Variants in TBC1D32 observed in about 807,000 individuals in gnomAD.
TBC1D32 encodes the protein protein broad-minded.
In TBC1D32, 151 loss-of-function variants were observed where a neutral mutation model predicts 170.3. The observed-to-expected ratio is 0.89, with a 90% CI of 0.78 to 1.01. The LOEUF (loss-of-function observed/expected upper bound fraction) is 1.01. TBC1D32 is among the 50% of genes least tolerant of loss of function. TBC1D32 has a pLI of 0.00. For missense variants in TBC1D32, 1,464 were observed against 1,457.1 expected, an observed-to-expected ratio of 1.00 and a Z score of -0.08; for synonymous variants, 498 against 488.0, an observed-to-expected ratio of 1.02 and a Z score of -0.27.
In TBC1D32 at chr6:121,096,888, C is replaced by T. The variant is rs1777480433; in HGVS notation, c.3466-5847G>A. ...AACAGAACAGAGGCCTCAGAAATAACACCACACATCTACAACCATCTGTTC... is the reference window on the plus strand; with the variant it reads ...AACAGAACAGAGGCCTCAGAAATAATACCACACATCTACAACCATCTGTTC... On this transcript the variant is annotated intron_variant, in intron 30 of 31. Coordinates refer to ENST00000398212, the MANE Select transcript of TBC1D32 (RefSeq NM_152730.6). 2.0e-5 allele frequency among the ~76,000 whole-genome samples: 3 copies of T among 152,024 alleles called. No homozygotes were observed. In the South Asian group the frequency reaches 6.2e-4, roughly 32 times the overall value.
intron 30 of TBC1D32, among the ~76,000 whole-genome samples, chr6:121,095,627 G>A (rs1332595065): frequency 2.0e-5 from 3 of 152,094 alleles, no homozygotes; most frequent in African/African-American, 4.8e-5. Flanking sequence ...AGTTTATTGC[G>A]AGTTTTTAGC....
intron 24 of TBC1D32, among the ~76,000 whole-genome samples, chr6:121,150,247 T>C (rs1273714): frequency 0.019 from 2,915 of 152,308 alleles, 83 homozygotes; most frequent in African/African-American, 0.066. Flanking sequence ...TATCAGACTT[T>C]CCTGCATCTA....
chr6:121,153,062 CT>C (rs1784406388), intron 24 of TBC1D32, among the ~76,000 whole-genome samples: 1 of 152,078 alleles, frequency 6.6e-6, no homozygotes, highest in Non-Finnish European at 1.5e-5. Context: ...AGTTGTAATC[CT>C]TTGCAGGAGA....
chr6:121,271,920 T>C (rs1331825586), intron 15 of TBC1D32, among the ~76,000 whole-genome samples: 2 of 152,014 alleles, frequency 1.3e-5, no homozygotes, highest in African/African-American at 4.8e-5. Context: ...TATAGACCCA[T>C]GGAACAGAAC....
chr6:121,250,896 A>G (rs1360734461), intron 17 of TBC1D32, among the ~76,000 whole-genome samples: 1 of 152,222 alleles, frequency 6.6e-6, no homozygotes, highest in Non-Finnish European at 1.5e-5. Flanking sequence ...CTCAGGATAC[A>G]AAATCAACGT....
At position 121,273,498 on chromosome 6, in the gene TBC1D32, G is replaced by A. The variant is rs183841152; in HGVS notation, c.1733+5623C>T. ...CACACCGGGGCCTGTCGTGGGGTTG[G>A]GGGGGTTAGGGATAGCATTAAGAGA... On this transcript the variant is annotated intron_variant, in intron 15 of 31. Coordinates refer to ENST00000398212, the MANE Select transcript of TBC1D32 (RefSeq NM_152730.6). Among the ~76,000 whole-genome samples the A allele has an allele frequency of 4.0e-5, 6 of 151,158 alleles. No individual in the cohort carries two copies. In the South Asian group the frequency reaches 6.3e-4, roughly 16 times the overall value.
intron 29 of TBC1D32, among the ~76,000 whole-genome samples, chr6:121,110,068 G>A (rs957754445): frequency 1.5e-4 from 22 of 151,620 alleles, no homozygotes; most frequent in Non-Finnish European, 2.7e-4. Context: ...TGGCTAACAC[G>A]GTGAAACCTG....
intron 25 of TBC1D32, among the ~76,000 whole-genome samples, chr6:121,129,344 G>A (rs994725346): frequency 1.3e-5 from 2 of 152,110 alleles, no homozygotes; most frequent in Non-Finnish European, 2.9e-5. Context: ...AGTATTCTGA[G>A]CACATTTAAG....
At chr6:121,302,681 T>C (rs1427326970) in intron 9 of TBC1D32, among the ~76,000 whole-genome samples, 1 of 152,130 alleles carries the variant, frequency 6.6e-6, no homozygotes, top group African/African-American at 2.4e-5. Context: ...ATTTTGCATA[T>C]TTTCTCAAAT....
chr6:121,173,650 A>C (rs1787369163), intron 22 of TBC1D32, among the ~76,000 whole-genome samples: 1 of 152,022 alleles, frequency 6.6e-6, no homozygotes, highest in Admixed American at 6.5e-5. Context: ...ATTAATTACT[A>C]GTTAGATTAC....
At chr6:121,121,709 C>A (rs1780287185) in intron 26 of TBC1D32, among the ~76,000 whole-genome samples, 1 of 151,992 alleles carries the variant, frequency 6.6e-6, no homozygotes, top group African/African-American at 2.4e-5. Context: ...AGCCTTCCTC[C>A]ATCATTCTTT....
At chr6:121,213,466 T>TAAAATAAAATAAAATAA (rs201894524) in intron 21 of TBC1D32, among the ~76,000 whole-genome samples, 1 of 24,766 alleles carries the variant, frequency 4.0e-5, no homozygotes, top group Non-Finnish European at 1.2e-4. Flanking sequence ...ACAAAAATAA[T>TAAAATAAAATAAAATAA]AATAAAATAA....
At chr6:121,186,326 C>G (rs1789204278) in intron 22 of TBC1D32, among the ~76,000 whole-genome samples, 1 of 151,978 alleles carries the variant, frequency 6.6e-6, no homozygotes, top group South Asian at 2.1e-4. Context: ...GTAGCACCTA[C>G]TAGTACTGCC....
upstream of TBC1D32, chr6:121,334,526 C>T (rs893526554): frequency 1.9e-5 from 27 of 1,406,106 alleles, no homozygotes; most frequent in African/African-American, 3.6e-4. Flanking sequence ...GCCCCGGCTA[C>T]GTGCGGCGTC....
intron 2 of TBC1D32, 149 bp downstream of exon 2, chr6:121,321,484 G>A (rs1809693179): frequency 1.4e-6 from 1 of 733,056 alleles, no homozygotes; most frequent in Middle Eastern, 2.5e-4. Context: ...GAGAGTCTGG[G>A]TGAAAGGGTG....
At position 121,214,901 on chromosome 6, in the gene TBC1D32, G is replaced by A. The variant is rs193139124; in HGVS notation, c.2481+8335C>T. The stretch of plus-strand genomic sequence containing the variant: ...GCAAAGCAAAGAGGTGCTTTACTGA[G>A]CAACAATACAGCTCTCAGGAGACCA... On this transcript the variant is annotated intron_variant, in intron 21 of 31. Transcript: ENST00000398212. Among the ~76,000 whole-genome samples, 4 of 152,280 alleles carry A rather than the reference G, an allele frequency of 2.6e-5. No homozygotes were observed. In the East Asian group the frequency reaches 7.8e-4, roughly 30 times the overall value.
At chr6:121,091,289 C>T (rs1776773341) in intron 30 of TBC1D32, among the ~76,000 whole-genome samples, 1 of 152,128 alleles carries the variant, frequency 6.6e-6, no homozygotes, top group South Asian at 2.1e-4. Flanking sequence ...CCTCATATAC[C>T]TATTACTCAA....
rs564442318 is a variant in TBC1D32, at chr6:121,250,211, A to T, written c.2018+5117T>A. ...GCAATATTCCAAACAATAGAAATAG[A>T]GGGACTCTTCCCTAACTCATTTTAT... On this transcript the variant is annotated intron_variant, in intron 17 of 31. Transcript: ENST00000398212. Among the ~76,000 whole-genome samples the T allele has an allele frequency of 2.0e-4, 31 of 152,286 alleles. No individual in the cohort carries two copies. In the East Asian group the frequency reaches 5.2e-3, roughly 26 times the overall value.
chr6:121,188,931 T>G (rs1026222614), intron 22 of TBC1D32, among the ~76,000 whole-genome samples: 3 of 152,096 alleles, frequency 2.0e-5, no homozygotes, highest in Non-Finnish European at 2.9e-5. Flanking sequence ...TGGCCTTTGC[T>G]CCAATAGATA....
Sources: gnomAD v4.1 joint callset for allele counts (sites outside exome capture counted in the v4.1 genomes callset) on GRCh38, gnomAD v4.1.1 for gene constraint, MANE v1.5 for transcripts, NCBI Gene and HGNC (gene_info 2026-07-23, HGNC 2026-07-21) for gene names.